The following SEC23IP variants were observed in gnomAD, a reference collection of about 807,000 sequenced individuals.
SEC23IP encodes SEC23-interacting protein.
Under a neutral mutation model 113.4 loss-of-function variants are expected in SEC23IP, and 70 were observed. That is an observed-to-expected ratio of 0.62 (90% CI 0.51 to 0.75). The LOEUF is 0.75. SEC23IP is among the 30% of genes least tolerant of loss of function. The pLI is 0.00. For missense variants in SEC23IP, 1,160 were observed against 1,204.9 expected, an observed-to-expected ratio of 0.96 and a Z score of 0.55; for synonymous variants, 398 against 421.0, an observed-to-expected ratio of 0.95 and a Z score of 0.67.
At chr10:119,907,796 G>A (rs957024621) in intron 4 of SEC23IP, among the ~76,000 whole-genome samples, 1 of 151,994 alleles carries the variant, frequency 6.6e-6, no homozygotes, top group Non-Finnish European at 1.5e-5. Flanking sequence ...ACTAAAAATA[G>A]AAAAATTAGC....
At chr10:119,923,002 T>A (rs200201673) in intron 12 of SEC23IP, among the ~76,000 whole-genome samples, 3 of 145,336 alleles carry the variant, frequency 2.1e-5, no homozygotes, top group African/African-American at 5.1e-5. Context: ...CAAAAGCCTA[T>A]AAAAAAAAAA....
At chr10:119,901,066 C>T (rs1436016349) in intron 2 of SEC23IP, among the ~76,000 whole-genome samples, 2 of 133,144 alleles carry the variant, frequency 1.5e-5, no homozygotes, top group Non-Finnish European at 3.1e-5. Context: ...CTTGCTCTGT[C>T]ATCCAGGGTG....
chr10:119,944,440 G>C lies in SEC23IP; in HGVS notation c.*3875G>C, dbSNP rs1856030703. 1.3e-5 allele frequency: 2 copies of C among 152,210 alleles called. No individual in the cohort carries two copies. Among genetic ancestry groups the C allele is most frequent in the African/African-American group, 4.8e-5 (2 of 41,410 alleles). The allele number at this position is 152,210 out of a possible 1,614,324, so 9.4% of individuals were successfully genotyped here. On this transcript the variant is annotated 3_prime_UTR_variant, in exon 19 of 19. Transcript: ENST00000369075. ...AGTACCTTGATAGCAGTGTGAAAAT[G>C]GACTAATACAGTCAGGGACCTAAAA...
chr10:119,920,643 A>G (rs1445601026), intron 11 of SEC23IP, among the ~76,000 whole-genome samples: 2 of 152,242 alleles, frequency 1.3e-5, no homozygotes, highest in Admixed American at 6.5e-5. Flanking sequence ...ATGCTTGACT[A>G]TAGCTTTGGA....
At chr10:119,901,005 TTTTTTC>T (rs1854473899) in intron 2 of SEC23IP, among the ~76,000 whole-genome samples, 1 of 148,656 alleles carries the variant, frequency 6.7e-6, no homozygotes, top group Non-Finnish European at 1.5e-5. Flanking sequence ...ACATTAAAAT[TTTTTTC>T]TTTTTCTTCT....
At chr10:119,933,545 T>A in intron 17 of SEC23IP, 141 bp from the exon 18 acceptor site, 1 of 614,218 alleles carries the variant, frequency 1.6e-6, no homozygotes, top group Non-Finnish European at 2.9e-6. Flanking sequence ...CTGCTTTATT[T>A]ATTACACTGA....
chr10:119,937,427 A>G (rs547269822), intron 18 of SEC23IP, among the ~76,000 whole-genome samples: 3 of 151,840 alleles, frequency 2.0e-5, no homozygotes, highest in Non-Finnish European at 4.4e-5. Context: ...GGAGGTTGAG[A>G]CCAGCCTGGC....
Position 119,941,945 on chromosome 10 carries a change from A to C in SEC23IP, c.*1380A>C, listed in dbSNP as rs771252632. On this transcript the variant is annotated 3_prime_UTR_variant, in exon 19 of 19. Transcript: ENST00000369075. The stretch of plus-strand genomic sequence containing the variant: ...TCATTCTACAGCTGAGGCCAGGACA[A>C]TAAATGCCTTTCCCAGACTGGGTAG... The C allele has an allele frequency of 5.3e-5, 8 of 152,278 alleles. No individual in the cohort carries two copies. Among genetic ancestry groups the C allele is most frequent in the Non-Finnish European group, 1.0e-4 (7 of 68,038 alleles). The allele number at this position is 152,278 out of a possible 1,614,324, so 9.4% of individuals were successfully genotyped here.
Position 119,902,703 on chromosome 10 carries a change from C to T in SEC23IP, c.697-96C>T, listed in dbSNP as rs1315519021. ...TACACTAAGTAATTGTCCAGATATA[C>T]ATGTAGGATAATCTACTAACATCAG... is the stretch of plus-strand genomic sequence containing the variant. On this transcript the variant is annotated intron_variant, in intron 2 of 18. Transcript: ENST00000369075. 5.3e-6 allele frequency: 5 copies of T among 945,718 alleles called. No individual in the cohort carries two copies. In the African/African-American group the frequency reaches 6.6e-5, roughly 12 times the overall value. The allele number at this position is 945,718 out of a possible 1,614,324, so 58.6% of individuals were successfully genotyped here.
At chr10:119,895,924 T>A (rs1396857523) in intron 1 of SEC23IP, among the ~76,000 whole-genome samples, 1 of 152,156 alleles carries the variant, frequency 6.6e-6, no homozygotes, top group Non-Finnish European at 1.5e-5. Context: ...CAGGAGGAGT[T>A]TGTAGTTCAT....
chr10:119,901,563 T>C (rs1854498687), intron 2 of SEC23IP, among the ~76,000 whole-genome samples: 1 of 152,220 alleles, frequency 6.6e-6, no homozygotes, highest in Non-Finnish European at 1.5e-5. Flanking sequence ...GTAAAAGGCA[T>C]CCATTTACAG....
intron 4 of SEC23IP, among the ~76,000 whole-genome samples, chr10:119,906,869 C>T (rs145611485): frequency 1.0e-3 from 156 of 152,230 alleles, no homozygotes; most frequent in Non-Finnish European, 1.8e-3. Flanking sequence ...AGCCACCACA[C>T]GTGGCCTGAA....
intron 4 of SEC23IP, 29 bp from the exon 5 acceptor site, chr10:119,909,012 T>C (rs375264582): frequency 2.1e-6 from 3 of 1,452,138 alleles, no homozygotes; most frequent in Non-Finnish European, 2.9e-6. Flanking sequence ...TTTGTCATGT[T>C]GGAATATATG....
In SEC23IP at chr10:119,892,843, A is replaced by G; in HGVS notation, c.61A>G (p.Asn21Asp). ...GGASTSSSGT[N>D]LLFSSSATEF... Reference sequence around the variant, plus strand: ...CGCCTCCACTTCCTCATCGGGCACTAACTTACTTTTCTCCTCCTCGGCCAC... The same window carrying G: ...CGCCTCCACTTCCTCATCGGGCACTGACTTACTTTTCTCCTCCTCGGCCAC... Residue 21 changes from asparagine to aspartate, a missense_variant, in exon 1 of 19, where the codon AAC becomes GAC. Coordinates refer to ENST00000369075, the MANE Select transcript of SEC23IP (RefSeq NM_007190.4). 3.1e-6 allele frequency: 5 copies of G among 1,613,924 alleles called. No homozygotes were observed. The highest frequency in any genetic ancestry group is 4.2e-6 in the Non-Finnish European group (5 of 1,179,932).
At chr10:119,893,514 C>CTTTTT (rs60552712) in intron 1 of SEC23IP, among the ~76,000 whole-genome samples, 155 of 85,328 alleles carry the variant, frequency 1.8e-3, no homozygotes, top group Middle Eastern at 8.2e-3. Context: ...CATTCCTTAT[C>CTTTTT]TTTTTTTTTT....
chr10:119,908,196 T>C (rs1854743118), intron 4 of SEC23IP, among the ~76,000 whole-genome samples: 1 of 152,016 alleles, frequency 6.6e-6, no homozygotes, highest in African/African-American at 2.4e-5. Flanking sequence ...AGTAAGAAGA[T>C]GGTTGGACAG....
At position 119,932,284 on chromosome 10, in the gene SEC23IP, G is replaced by A; in HGVS notation, c.2724G>A (p.Gln908=). 1 of 1,612,500 alleles carries A rather than the reference G, an allele frequency of 6.2e-7. No homozygotes were observed. Among genetic ancestry groups the A allele is most frequent in the Non-Finnish European group, 8.5e-7 (1 of 1,179,550 alleles). ...AAGAATTGGAGAAGGTGGCCAATCA[G>A]ATCAAAGAAGAAGAAGAAAAGCAAG... The part of the protein sequence containing the change: ...LQEELEKVAN[Q]IKEEEEKQVV... The change falls in exon 16 of 19, where the codon CAG becomes CAA. Residue 908 remains glutamine (Q), a synonymous_variant. Coordinates refer to ENST00000369075, the MANE Select transcript of SEC23IP (RefSeq NM_007190.4).
chr10:119,894,760 T>G (rs1280291135), intron 1 of SEC23IP, among the ~76,000 whole-genome samples: 1 of 152,144 alleles, frequency 6.6e-6, no homozygotes, highest in African/African-American at 2.4e-5. Flanking sequence ...TAAAGTTGTT[T>G]GGTTATGTCC....
At chr10:119,903,142 G>A (rs1854553323) in intron 3 of SEC23IP, 133 bp downstream of exon 3, 1 of 705,876 alleles carries the variant, frequency 1.4e-6, no homozygotes, top group East Asian at 2.7e-5. Flanking sequence ...ACCTTAAGGT[G>A]ACGATATTAG....
Sources: allele counts gnomAD v4.1 joint callset (sites outside exome capture counted in the v4.1 genomes callset), GRCh38; gene constraint gnomAD v4.1.1; transcripts MANE v1.5; gene names NCBI Gene and HGNC (gene_info 2026-07-23, HGNC 2026-07-21).